RBFOX1: variants seen among roughly 807,000 people sequenced by gnomAD.
RBFOX1 encodes RNA binding fox-1 homolog 1, also known as RNA binding protein fox-1 homolog 1.
A neutral mutation model predicts 57.7 loss-of-function variants in RBFOX1; 8 were observed. That is an observed-to-expected ratio of 0.14 (90% confidence interval 0.08 to 0.25). The LOEUF (loss-of-function observed/expected upper bound fraction) is 0.25, where lower values mean the gene tolerates loss of function less well. Ranked by LOEUF, RBFOX1 falls within the 10% of genes least tolerant of loss-of-function variation. The probability of loss-of-function intolerance (pLI) is 1.00; values close to 1 mark genes in which losing one functional copy is unlikely to be tolerated. For synonymous variants in RBFOX1, 326 were observed against 222.4 expected (o/e 1.47, Z -4.15); for missense variants, 611 against 548.5 (o/e 1.11, Z -1.14).
chr16:6,444,830 G>T (rs1280348619), intron 2 of RBFOX1, among the ~76,000 whole-genome samples: 1 of 152,158 alleles, frequency 6.6e-6, no homozygotes, highest in Non-Finnish European at 1.5e-5. Context: ...ATGACCTTCT[G>T]AAGGGCTGGG....
At chr16:7,613,050 C>T (rs531566844) in intron 10 of RBFOX1, among the ~76,000 whole-genome samples, 16 of 152,152 alleles carry the variant, frequency 1.1e-4, no homozygotes, top group East Asian at 3.9e-4. Context: ...GATCTTCTAA[C>T]GGAAATGCAG....
At chr16:6,445,991 G>A (rs1166713330) in intron 2 of RBFOX1, among the ~76,000 whole-genome samples, 1 of 151,878 alleles carries the variant, frequency 6.6e-6, no homozygotes, top group Non-Finnish European at 1.5e-5. Context: ...TAGGGATAGG[G>A]TCTCTGTTTG....
At chr16:7,023,165 AG>A (rs2039814531) in intron 3 of RBFOX1, among the ~76,000 whole-genome samples, 1 of 152,078 alleles carries the variant, frequency 6.6e-6, no homozygotes, top group Admixed American at 6.6e-5. Flanking sequence ...CTGCAGAAGG[AG>A]GGAGGTAATG....
intron 2 of RBFOX1, among the ~76,000 whole-genome samples, chr16:6,471,300 T>C (rs573880629): frequency 3.4e-4 from 52 of 152,326 alleles, no homozygotes; most frequent in African/African-American, 1.2e-3. Context: ...AGATGCCCTT[T>C]GCCTTTAGTT....
chr16:6,771,581 G>A (rs773184975), intron 3 of RBFOX1, among the ~76,000 whole-genome samples: 12 of 152,210 alleles, frequency 7.9e-5, no homozygotes, highest in Non-Finnish European at 1.5e-4. Context: ...GATGCAGATA[G>A]TATAGAGAGC....
intron 1 of RBFOX1, among the ~76,000 whole-genome samples, chr16:5,413,032 C>A (rs1202118784): frequency 6.6e-6 from 1 of 152,180 alleles, no homozygotes; most frequent in Non-Finnish European, 1.5e-5. Context: ...GCCACTCTGG[C>A]ATGTTTTGAA....
chr16:7,687,938 ACT>A (rs2076416380), intron 14 of RBFOX1, among the ~76,000 whole-genome samples: 2 of 151,972 alleles, frequency 1.3e-5, no homozygotes, highest in South Asian at 4.2e-4. Context: ...CATGGGAACC[ACT>A]CTCAAAGATG....
intron 3 of RBFOX1, among the ~76,000 whole-genome samples, chr16:6,805,978 C>G (rs182171294): frequency 2.4e-4 from 36 of 152,226 alleles, no homozygotes; most frequent in Admixed American, 2.0e-3. Context: ...GAGGAGTTAC[C>G]TTTTGTGAGG....
intron 3 of RBFOX1, chr16:6,773,706 AT>A (rs1215961314): frequency 9.2e-5 from 8 of 87,396 alleles, no homozygotes; most frequent in African/African-American, 3.8e-4. Context: ...CATGGGGTGC[AT>A]TTGTGTGTGT....
At chr16:7,183,480 T>C (rs187833061) in intron 4 of RBFOX1, among the ~76,000 whole-genome samples, 2 of 152,358 alleles carry the variant, frequency 1.3e-5, no homozygotes, top group Admixed American at 1.3e-4. Flanking sequence ...CTTCGTTGGG[T>C]TCATCCAAAT....
At chr16:7,116,270 C>G (rs889487763) in intron 4 of RBFOX1, among the ~76,000 whole-genome samples, 3 of 152,146 alleles carry the variant, frequency 2.0e-5, no homozygotes, top group Non-Finnish European at 2.9e-5. Context: ...CAAATCCTGG[C>G]TATCCGAGCT....
chr16:7,198,457 C>A (rs1229407307), intron 4 of RBFOX1, among the ~76,000 whole-genome samples: 3 of 152,196 alleles, frequency 2.0e-5, no homozygotes, highest in Non-Finnish European at 2.9e-5. Flanking sequence ...ACCTCCATTG[C>A]AAAAGAGATA....
intron 2 of RBFOX1, among the ~76,000 whole-genome samples, chr16:6,631,530 G>A (rs2098384886): frequency 1.3e-5 from 2 of 152,036 alleles, no homozygotes; most frequent in African/African-American, 4.8e-5. Flanking sequence ...TTAAGTGGAG[G>A]TTTTGTTCTG....
rs138202781 is a variant in RBFOX1 at position 5,672,252 on chromosome 16, C to T, written c.318+73291C>T. Among the ~76,000 whole-genome samples, 238 of 152,266 alleles carry T rather than the reference C, an allele frequency of 1.6e-3. 2 individuals carry two copies. The highest frequency in any genetic ancestry group is 5.3e-3 in the African/African-American group (219 of 41,550). ...TAGTGGCCCTTTGGAACTGTCTGGG[C>T]AGATGCCTACCTCTCTGATGAGTAA... On this transcript the variant is annotated intron_variant, in intron 3 of 19. Coordinates refer to the RBFOX1 transcript ENST00000641259.
chr16:6,500,149 C>A (rs1013124928), intron 2 of RBFOX1, among the ~76,000 whole-genome samples: 1 of 152,234 alleles, frequency 6.6e-6, no homozygotes, highest in East Asian at 1.9e-4. Flanking sequence ...TTTCTAGAAA[C>A]CTTTGAGTCA....
intron 7 of RBFOX1, among the ~76,000 whole-genome samples, chr16:7,590,322 G>C (rs1022453597): frequency 6.6e-6 from 1 of 151,518 alleles, no homozygotes; most frequent in African/African-American, 2.4e-5. Context: ...ATTCCAGGTA[G>C]TATCTATATT....
intron 3 of RBFOX1, among the ~76,000 whole-genome samples, chr16:5,757,061 A>G (rs1202913712): frequency 6.6e-6 from 1 of 152,176 alleles, no homozygotes; most frequent in Non-Finnish European, 1.5e-5. Context: ...GGAGTTCTGT[A>G]TTGCATTCTT....
chr16:5,625,182 C>G (rs1266926964), intron 3 of RBFOX1, among the ~76,000 whole-genome samples: 1 of 152,124 alleles, frequency 6.6e-6, no homozygotes, highest in Non-Finnish European at 1.5e-5. Flanking sequence ...CTAGGCTTTA[C>G]TGGAAGATGA....
At chr16:6,613,102 G>T (rs944906423) in intron 2 of RBFOX1, among the ~76,000 whole-genome samples, 2 of 151,514 alleles carry the variant, frequency 1.3e-5, no homozygotes, top group African/African-American at 2.4e-5. Context: ...GAACTGTCAG[G>T]CCTGATTAAT....
Sources: gnomAD v4.1 joint callset for allele counts (sites outside exome capture counted in the v4.1 genomes callset) on GRCh38, gnomAD v4.1.1 for gene constraint, MANE v1.5 for transcripts, NCBI Gene and HGNC (gene_info 2026-07-23, HGNC 2026-07-21) for gene names.